The following PRKX variants were observed in gnomAD, a reference collection of about 807,000 sequenced individuals.
PRKX encodes the protein cAMP-dependent protein kinase catalytic subunit PRKX.
Under a neutral mutation model 22.0 loss-of-function variants are expected in PRKX, and 12 were observed. The observed-to-expected ratio is 0.54, with a 90% CI of 0.35 to 0.88. The LOEUF (loss-of-function observed/expected upper bound fraction) is 0.88, where lower values mean the gene tolerates loss of function less well. PRKX is among the 40% of genes least tolerant of loss of function. The pLI, the probability that PRKX is intolerant of heterozygous loss-of-function variation, is 0.01. For synonymous variants in PRKX, 134 were observed against 137.7 expected, an observed-to-expected ratio of 0.97 and a Z score of 0.19; for missense variants, 217 against 308.0, an observed-to-expected ratio of 0.70 and a Z score of 2.21.
At chrX:3,670,984 CTTG>C in intron 2 of PRKX, among the ~76,000 whole-genome samples, 1 of 111,753 alleles carries the variant, frequency 8.9e-6, no homozygotes, top group Middle Eastern at 4.6e-3. Context: ...CAGGGCCTGC[CTTG>C]TTTTCTGCAC....
chrX:3,649,132 G>A (rs748358562), intron 3 of PRKX, among the ~76,000 whole-genome samples: 11 of 111,232 alleles, frequency 9.9e-5, no homozygotes, highest in African/African-American at 3.6e-4. Context: ...ACAGCGCAAA[G>A]GAAATCCTCA....
At chrX:3,689,986 AAAAC>A (rs1928289717) in intron 1 of PRKX, among the ~76,000 whole-genome samples, 1 of 111,506 alleles carries the variant, frequency 9.0e-6, no homozygotes, top group Non-Finnish European at 1.9e-5. Context: ...CGAAAAAAAC[AAAAC>A]AAACAAAAAA....
In PRKX at chrX:3,655,359, G is replaced by A. The variant is rs746852579; in HGVS notation, c.389C>T (p.Pro130Leu). The change falls in exon 3 of 9, where the codon CCG (proline) becomes CTG (leucine). Residue 130 changes from proline (P) to leucine (L), a missense_variant. Transcript: ENST00000262848. ...CAGGTAGCTGAAGAGCTCGCCGCCC[G>A]GCACGTACTCCATGAGCATGTAGAG... is the stretch of plus-strand genomic sequence containing the variant. ...RFLYMLMEYVPGGELFSYLRN... is the reference protein window; with the variant it reads ...RFLYMLMEYVLGGELFSYLRN... 4.9e-6 allele frequency: 6 copies of A among 1,212,149 alleles called. No individual in the cohort carries two copies. Among genetic ancestry groups the A allele is most frequent in the East Asian group, 5.9e-5 (2 of 33,848 alleles).
At chrX:3,694,484 C>T (rs1200384849) in intron 1 of PRKX, among the ~76,000 whole-genome samples, 1 of 111,335 alleles carries the variant, frequency 9.0e-6, no homozygotes, top group Admixed American at 9.5e-5. Context: ...CACATGGAGA[C>T]GGAGGCAGAC....
chrX:3,609,623 T>A (rs1926253368), intron 8 of PRKX, among the ~76,000 whole-genome samples: 1 of 107,204 alleles, frequency 9.3e-6, no homozygotes. Context: ...CCTGGCTAAC[T>A]TTTTTATTTT....
intron 4 of PRKX, among the ~76,000 whole-genome samples, chrX:3,626,798 G>A (rs1269388848): frequency 9.0e-6 from 1 of 110,876 alleles, no homozygotes; most frequent in Non-Finnish European, 1.9e-5. Flanking sequence ...TCCTTTTTGG[G>A]CATCTTATTG....
chrX:3,697,494 T>G (rs772335375), intron 1 of PRKX, among the ~76,000 whole-genome samples: 1 of 111,706 alleles, frequency 9.0e-6, no homozygotes, highest in African/African-American at 3.3e-5. Flanking sequence ...TCCTACTTCT[T>G]ACTTTCCTTA....
At position 3,699,357 on chromosome X, in the gene PRKX, T is replaced by A. The variant is rs183238692; in HGVS notation, c.166+13731A>T. Among the ~76,000 whole-genome samples, 3 of 108,744 alleles carry A rather than the reference T, an allele frequency of 2.8e-5. No individual in the cohort carries two copies. The East Asian group carries it at 8.8e-4, about 32-fold the overall frequency. The allele number at this position is 108,744 out of a possible 115,157, so 94.4% of individuals were successfully genotyped here. The stretch of plus-strand genomic sequence containing the variant: ...CGGCATTTTTTAAAGTTTTTCTTTT[T>A]CTTTTCTTTTTTTGAGGTGGAGTCT... On this transcript the variant is annotated intron_variant, in intron 1 of 8. Transcript: ENST00000262848.
chrX:3,650,352 T>G, intron 3 of PRKX, among the ~76,000 whole-genome samples: 1 of 105,270 alleles, frequency 9.5e-6, no homozygotes, highest in Non-Finnish European at 1.9e-5. Context: ...AAACCCCGTC[T>G]CTACTAAAAA....
chrX:3,690,878 G>C (rs1188383844), intron 1 of PRKX, among the ~76,000 whole-genome samples: 2 of 112,772 alleles, frequency 1.8e-5, no homozygotes, highest in Admixed American at 1.9e-4. Flanking sequence ...AGCACAGTAT[G>C]TGCAGCTTTC....
intron 2 of PRKX, among the ~76,000 whole-genome samples, chrX:3,674,018 C>T (rs1338031195): frequency 9.0e-6 from 1 of 111,313 alleles, no homozygotes; most frequent in Non-Finnish European, 1.9e-5. Flanking sequence ...AACCATGAGG[C>T]AAATGTCTGT....
At chrX:3,619,301 C>T (rs985672929) in intron 6 of PRKX, among the ~76,000 whole-genome samples, 1 of 111,215 alleles carries the variant, frequency 9.0e-6, no homozygotes, top group African/African-American at 3.3e-5. Context: ...GCCTGGAGCC[C>T]CCAGGAGCTG....
chrX:3,637,795 T>C (rs1265681971), intron 4 of PRKX, among the ~76,000 whole-genome samples: 1 of 106,305 alleles, frequency 9.4e-6, no homozygotes, highest in African/African-American at 3.4e-5. Flanking sequence ...AGATGGAGTC[T>C]CACCTCTGTT....
chrX:3,689,879 G>A (rs184610482), intron 1 of PRKX, among the ~76,000 whole-genome samples: 1,288 of 110,683 alleles, frequency 0.012, 11 homozygotes, highest in African/African-American at 0.025. Context: ...CAGGAGGCTG[G>A]GGCAGGAGGA....
intron 1 of PRKX, among the ~76,000 whole-genome samples, chrX:3,699,038 A>AT (rs1358448256): frequency 1.5e-5 from 1 of 65,032 alleles, no homozygotes; most frequent in African/African-American, 6.1e-5. Flanking sequence ...GCTAATTTTT[A>AT]TTTTATTTTT....
At chrX:3,636,172 T>C (rs188280497) in intron 4 of PRKX, among the ~76,000 whole-genome samples, 14 of 112,516 alleles carry the variant, frequency 1.2e-4, no homozygotes, top group African/African-American at 4.5e-4. Context: ...GATAATCACT[T>C]AAAGCAATAA....
chrX:3,650,520 CAAAAA>C (rs748871957), intron 3 of PRKX, among the ~76,000 whole-genome samples: 18 of 37,852 alleles, frequency 4.8e-4, no homozygotes, highest in African/African-American at 1.7e-3. Flanking sequence ...GACTCCTCTC[CAAAAA>C]AAAAAAAAAA....
At chrX:3,627,717 G>T (rs953038520) in intron 4 of PRKX, among the ~76,000 whole-genome samples, 8 of 110,751 alleles carry the variant, frequency 7.2e-5, no homozygotes, top group African/African-American at 2.3e-4. Context: ...ACCCAGCTTG[G>T]TCTCTCAAAG....
At chrX:3,671,703 A>G (rs906003795) in intron 2 of PRKX, among the ~76,000 whole-genome samples, 4 of 111,598 alleles carry the variant, frequency 3.6e-5, no homozygotes, top group African/African-American at 9.8e-5. Flanking sequence ...AAAGTTAGAA[A>G]TAGGCCAGGC....
Sources: allele counts gnomAD v4.1 joint callset (sites outside exome capture counted in the v4.1 genomes callset), GRCh38; gene constraint gnomAD v4.1.1; transcripts MANE v1.5; gene names NCBI Gene and HGNC (gene_info 2026-07-23, HGNC 2026-07-21).